The following BBS9 variants were observed in gnomAD, a reference collection of about 807,000 sequenced individuals.
BBS9 encodes the protein protein PTHB1.
BBS9 carries 89 observed loss-of-function variants against 117.7 expected under a neutral mutation model. The ratio of observed to expected loss-of-function variants is 0.76; its 90% CI spans 0.64 to 0.90. The LOEUF (loss-of-function observed/expected upper bound fraction) is 0.90, where lower values mean the gene tolerates loss of function less well. Among genes scored for constraint, BBS9 ranks in the 40% least tolerant of loss-of-function variants. BBS9 has a pLI of 0.00. For missense variants in BBS9, 982 were observed against 1,042.2 expected (o/e 0.94, Z 0.80); for synonymous variants, 379 against 370.9 (o/e 1.02, Z -0.25).
chr7:33,596,105 G>T (rs1195916159), intron 21 of BBS9, among the ~76,000 whole-genome samples: 4 of 151,826 alleles, frequency 2.6e-5, no homozygotes, highest in Non-Finnish European at 5.9e-5. Context: ...AGGTTGATAG[G>T]TGCAGCAAAC....
At chr7:33,434,225 T>C (rs910333254) in intron 19 of BBS9, among the ~76,000 whole-genome samples, 6 of 151,520 alleles carry the variant, frequency 4.0e-5, no homozygotes, top group Admixed American at 3.9e-4. Context: ...AAACTCTTGA[T>C]ACATATTGCC....
intron 16 of BBS9, 79 bp from the exon 17 acceptor site, chr7:33,367,688 A>G (rs1161953292): frequency 2.6e-6 from 3 of 1,171,942 alleles, no homozygotes; most frequent in South Asian, 2.4e-5. Context: ...AACACGCATC[A>G]TTCAACTAAG....
intron 19 of BBS9, among the ~76,000 whole-genome samples, chr7:33,439,858 T>C (rs866756244): frequency 6.6e-6 from 1 of 152,132 alleles, no homozygotes; most frequent in South Asian, 2.1e-4. Flanking sequence ...AACCTTTCTC[T>C]CTAGAGGAAG....
intron 4 of BBS9, among the ~76,000 whole-genome samples, chr7:33,156,392 G>A (rs942351118): frequency 6.6e-6 from 1 of 152,146 alleles, no homozygotes; most frequent in African/African-American, 2.4e-5. Context: ...TTATGGGTAT[G>A]AGAAAACTAA....
chr7:33,375,193 A>G (rs182999101), intron 17 of BBS9, among the ~76,000 whole-genome samples: 1 of 152,260 alleles, frequency 6.6e-6, no homozygotes, highest in East Asian at 1.9e-4. Context: ...GGCTTTGATC[A>G]TCTAAATTTA....
intron 1 of BBS9, among the ~76,000 whole-genome samples, chr7:33,142,673 T>C (rs182052193): frequency 6.6e-6 from 1 of 152,364 alleles, no homozygotes; most frequent in African/African-American, 2.4e-5. Context: ...AGTGGAATCA[T>C]ATGGTATTTG....
At chr7:33,457,111 T>C (rs1838765190) in intron 19 of BBS9, among the ~76,000 whole-genome samples, 1 of 152,188 alleles carries the variant, frequency 6.6e-6, no homozygotes, top group African/African-American at 2.4e-5. Flanking sequence ...AGATTAGGGT[T>C]TACCCTTTTG....
intron 9 of BBS9, among the ~76,000 whole-genome samples, chr7:33,317,306 C>T (rs1453320402): frequency 6.6e-6 from 1 of 151,744 alleles, no homozygotes; most frequent in Non-Finnish European, 1.5e-5. Flanking sequence ...ATATCTATTC[C>T]TCTTTTTTCA....
At chr7:33,144,576 G>C (rs1792042025) in intron 1 of BBS9, among the ~76,000 whole-genome samples, 1 of 152,144 alleles carries the variant, frequency 6.6e-6, no homozygotes, top group South Asian at 2.1e-4. Context: ...ACAGTATTTA[G>C]TGTCATGTTT....
intron 5 of BBS9, among the ~76,000 whole-genome samples, chr7:33,197,909 T>C (rs1261339803): frequency 6.6e-6 from 1 of 151,948 alleles, no homozygotes; most frequent in Non-Finnish European, 1.5e-5. Flanking sequence ...AAGAATCATA[T>C]TATATGTGTT....
intron 1 of BBS9, among the ~76,000 whole-genome samples, chr7:33,140,691 G>A (rs1020065711): frequency 2.0e-5 from 3 of 152,130 alleles, no homozygotes; most frequent in African/African-American, 7.2e-5. Flanking sequence ...TCCAATAAAA[G>A]TGTAATACAG....
At chr7:33,435,319 A>G (rs1835136962) in intron 19 of BBS9, among the ~76,000 whole-genome samples, 1 of 152,192 alleles carries the variant, frequency 6.6e-6, no homozygotes, top group South Asian at 2.1e-4. Flanking sequence ...TTTACTGGCT[A>G]TATGAACTTT....
At chr7:33,272,087 G>T (rs974276641) in intron 7 of BBS9, among the ~76,000 whole-genome samples, 7 of 152,130 alleles carry the variant, frequency 4.6e-5, no homozygotes, top group Non-Finnish European at 7.4e-5. Context: ...TATGTCATTT[G>T]CAGAAACATG....
chr7:33,424,537 G>T (rs1400386207), intron 19 of BBS9, among the ~76,000 whole-genome samples: 2 of 151,892 alleles, frequency 1.3e-5, no homozygotes, highest in African/African-American at 4.8e-5. Context: ...CTTGTAATGT[G>T]TGAGAACTAC....
Position 33,257,257 on chromosome 7 carries a change from A to G in BBS9, c.464A>G (p.Gln155Arg). Reference sequence around the variant, plus strand: ...TTAGGTCGAGATTTAATTTGCATCCAGTCTATGGATGGGATGCTGATGGTA... The same window carrying G: ...TTAGGTCGAGATTTAATTTGCATCCGGTCTATGGATGGGATGCTGATGGTA... Reference protein sequence around the residue: ...GVKGRDLICIQSMDGMLMVFE... With the variant: ...GVKGRDLICIRSMDGMLMVFE... Residue 155 changes from glutamine (Q) to arginine (R), a missense_variant, in exon 6 of 23, where the codon CAG becomes CGG. Physicochemically the swap from Gln to Arg is conservative, Grantham distance 43. Coordinates refer to ENST00000242067, the MANE Select transcript of BBS9 (RefSeq NM_198428.3). 1.2e-6 allele frequency: 2 copies of G among 1,611,250 alleles called. No homozygotes were observed. Among genetic ancestry groups the G allele is most frequent in the Non-Finnish European group, 1.7e-6 (2 of 1,177,968 alleles).
chr7:33,374,947 T>C (rs17170210), intron 17 of BBS9, among the ~76,000 whole-genome samples: 1,561 of 152,094 alleles, frequency 0.01, 31 homozygotes, highest in African/African-American at 0.035. Context: ...TTTATGTTAT[T>C]TCCTCAACAT....
At chr7:33,458,907 C>T (rs1272448696) in intron 19 of BBS9, among the ~76,000 whole-genome samples, 1 of 152,104 alleles carries the variant, frequency 6.6e-6, no homozygotes, top group East Asian at 1.9e-4. Context: ...GTTTAACTGG[C>T]AGGCTGTTGT....
At chr7:33,244,030 A>C (rs776565314) in intron 5 of BBS9, among the ~76,000 whole-genome samples, 5 of 152,104 alleles carry the variant, frequency 3.3e-5, no homozygotes, top group Non-Finnish European at 7.4e-5. Context: ...TTCAAGACCA[A>C]CCTGGCCAAC....
intron 17 of BBS9, among the ~76,000 whole-genome samples, chr7:33,377,940 T>A (rs1197928344): frequency 6.6e-6 from 1 of 152,156 alleles, no homozygotes; most frequent in East Asian, 1.9e-4. Flanking sequence ...CATTAAAAAA[T>A]TTATTAAATG....
Sources: gnomAD v4.1 joint callset for allele counts (sites outside exome capture counted in the v4.1 genomes callset) on GRCh38, gnomAD v4.1.1 for gene constraint, MANE v1.5 for transcripts, NCBI Gene and HGNC (gene_info 2026-07-23, HGNC 2026-07-21) for gene names.